UBR3: variants seen among roughly 807,000 people sequenced by gnomAD.
The protein encoded by UBR3 is E3 ubiquitin-protein ligase UBR3.
Under a neutral mutation model 243.2 loss-of-function variants are expected in UBR3, and 85 were observed. The ratio of observed to expected loss-of-function variants is 0.35; its 90% CI spans 0.29 to 0.42. The LOEUF (loss-of-function observed/expected upper bound fraction) is 0.42. UBR3 is among the 10% of genes least tolerant of loss of function. UBR3 has a pLI of 1.00. For synonymous variants in UBR3, 748 were observed against 799.8 expected, an observed-to-expected ratio of 0.94 and a Z score of 1.09; for missense variants, 1,686 against 2,300.8, an observed-to-expected ratio of 0.73 and a Z score of 5.47.
chr2:169,897,727 C>T (rs905282465), intron 8 of UBR3, among the ~76,000 whole-genome samples: 1 of 152,120 alleles, frequency 6.6e-6, no homozygotes, highest in African/African-American at 2.4e-5. Context: ...TCTTGAACTC[C>T]TGACCTCAGG....
chr2:170,032,441 G>T (rs1376623218), intron 31 of UBR3, among the ~76,000 whole-genome samples: 2 of 152,004 alleles, frequency 1.3e-5, no homozygotes, highest in East Asian at 3.9e-4. Flanking sequence ...GACCTATTCA[G>T]ATTTTGCCAG....
intron 29 of UBR3, among the ~76,000 whole-genome samples, chr2:170,011,498 T>A (rs1169537284): frequency 6.6e-6 from 1 of 152,102 alleles, no homozygotes; most frequent in Non-Finnish European, 1.5e-5. Flanking sequence ...GTAACGTGAG[T>A]GGAATACAAC....
At chr2:169,872,187 T>C (rs774399894) in intron 1 of UBR3, 49 bp from the exon 2 acceptor site, 1 of 1,255,880 alleles carries the variant, frequency 8.0e-7, no homozygotes, top group South Asian at 1.8e-5. Context: ...ATAATATATT[T>C]TTAGCTGATT....
chr2:170,018,697 T>C (rs1228061890), intron 30 of UBR3, among the ~76,000 whole-genome samples: 1 of 152,204 alleles, frequency 6.6e-6, no homozygotes, highest in Non-Finnish European at 1.5e-5. Flanking sequence ...AACAAGACTT[T>C]GAAAGATAAG....
At position 169,968,464 on chromosome 2, in the gene UBR3, C is replaced by T. The variant is rs530473572; in HGVS notation, c.3634+9938C>T. ...AAAAGTGATATTTGTCTTTCTGTGC[C>T]TCGCTTGTTTCACTTAACATAATGA... On this transcript the variant is annotated intron_variant, in intron 24 of 38. Transcript: ENST00000272793. Among the ~76,000 whole-genome samples, 7 of 152,242 alleles carry T rather than the reference C, an allele frequency of 4.6e-5. No homozygotes were observed. The South Asian group carries it at 1.5e-3, about 32-fold the overall frequency.
chr2:169,890,536 G>GATATATATATATAT lies in UBR3; in HGVS notation c.1039-628_1039-627insTATATATATATATA, dbSNP rs1396382870. ...GCGAGGTTTTTCTAGGAGAGAGAGA[G>GATATATATATATAT]AGAGATATATATATATATATATATA... On this transcript the variant is annotated intron_variant, in intron 5 of 38. Transcript: ENST00000272793. Among the ~76,000 whole-genome samples, 323 of 53,532 alleles carry GATATATATATATAT rather than the reference G, an allele frequency of 6.0e-3. 22 individuals carry two copies. Among genetic ancestry groups the GATATATATATATAT allele is most frequent in the African/African-American group, 0.017 (196 of 11,822 alleles). 35.1% of individuals were successfully genotyped at this position (53,532 alleles called of 152,430 possible). A position where few individuals can be genotyped will look rare whatever the true frequency, so the allele number is the denominator to read the frequency against.
In UBR3 at chr2:169,928,727, A is replaced by G. The variant is rs1490266959; in HGVS notation, c.2425A>G (p.Ile809Val). 2.0e-6 allele frequency: 3 copies of G among 1,481,530 alleles called. No homozygotes were observed. Among genetic ancestry groups the G allele is most frequent in the East Asian group, 5.0e-5 (2 of 39,910 alleles). The allele number at this position is 1,481,530 out of a possible 1,614,324, so 91.8% of individuals were successfully genotyped here. Residue 809 changes from isoleucine to valine, a missense_variant and splice_region_variant, in exon 18 of 39, where the codon ATT (isoleucine) becomes GTT (valine). By Grantham distance (29) the Ile-to-Val change is conservative. Coordinates refer to ENST00000272793, the MANE Select transcript of UBR3 (RefSeq NM_172070.4). ...DRTHSSLLDL[I>V]PENPNPKSGI... ...ATTTTTTTCTTGACATATATATCAT[A>G]TTCCAGAAAATCCTAATCCCAAAAG...
intron 1 of UBR3, among the ~76,000 whole-genome samples, chr2:169,851,013 T>TA (rs919062663): frequency 6.6e-6 from 1 of 152,210 alleles, no homozygotes; most frequent in African/African-American, 2.4e-5. Context: ...GATTTTGCCT[T>TA]AAAAAAATCT....
At chr2:169,828,784 A>G (rs887641424) in intron 1 of UBR3, among the ~76,000 whole-genome samples, 1 of 152,216 alleles carries the variant, frequency 6.6e-6, no homozygotes, top group Non-Finnish European at 1.5e-5. Context: ...ATCAAGTGTT[A>G]GGTCTTCTCC....
intron 29 of UBR3, among the ~76,000 whole-genome samples, chr2:170,012,687 T>TTC (rs1361778714): frequency 6.6e-6 from 1 of 151,406 alleles, no homozygotes; most frequent in Non-Finnish European, 1.5e-5. Context: ...TTTTTTTTTT[T>TTC]TCCCCCTGAG....
chr2:170,008,088 C>T (rs746311824), intron 28 of UBR3, among the ~76,000 whole-genome samples: 8 of 152,078 alleles, frequency 5.3e-5, no homozygotes, highest in Non-Finnish European at 1.0e-4. Flanking sequence ...AACTGTTCAT[C>T]ACAAGTCAGA....
rs191231301 is a variant in UBR3, at chr2:170,083,234, G to C, written c.*1391G>C. 84 of 152,590 alleles carry C rather than the reference G, an allele frequency of 5.5e-4. No individual in the cohort carries two copies. The highest frequency in any genetic ancestry group is 2.0e-3 in the African/African-American group (81 of 41,526). The allele number at this position is 152,590 out of a possible 1,614,324, so 9.5% of individuals were successfully genotyped here. On this transcript the variant is annotated 3_prime_UTR_variant, in exon 39 of 39. Transcript: ENST00000272793. Reference sequence around the variant, plus strand: ...TTTGTAATGACATGACATTACAAGAGTATAAAAATGGACATTAAATCATGG... The same window carrying C: ...TTTGTAATGACATGACATTACAAGACTATAAAAATGGACATTAAATCATGG...
At chr2:170,018,275 T>A (rs1364674333) in intron 30 of UBR3, among the ~76,000 whole-genome samples, 2 of 152,210 alleles carry the variant, frequency 1.3e-5, no homozygotes, top group African/African-American at 2.4e-5. Context: ...GAGCCATCTT[T>A]TCAGACATTT....
At position 169,882,332 on chromosome 2, in the gene UBR3, ATTATATAATATATATGTAAATATATAT is replaced by A. The variant is rs1274469361; in HGVS notation, c.1038+3760_1038+3786del. ...TTATATATTTATATATTATATATGT[ATTATATAATATATATGTAAATATATAT>A]TATATATGTAAATATATATTATATA... On this transcript the variant is annotated intron_variant, in intron 5 of 38. Transcript: ENST00000272793. 4.3e-5 allele frequency among the ~76,000 whole-genome samples: 6 copies of A among 139,304 alleles called. No individual in the cohort carries two copies. The East Asian group carries it at 1.2e-3, about 28-fold the overall frequency. 91.4% of individuals were successfully genotyped at this position (139,304 alleles called of 152,430 possible). A position where few individuals can be genotyped will look rare whatever the true frequency, so the allele number is the denominator to read the frequency against.
intron 11 of UBR3, among the ~76,000 whole-genome samples, chr2:169,923,675 C>T (rs2085792809): frequency 6.6e-6 from 1 of 152,108 alleles, no homozygotes; most frequent in Non-Finnish European, 1.5e-5. Context: ...AAATATTAAT[C>T]TGTACTGGAT....
At chr2:169,897,049 G>C (rs963281497) in intron 8 of UBR3, among the ~76,000 whole-genome samples, 2 of 151,910 alleles carry the variant, frequency 1.3e-5, no homozygotes, top group Non-Finnish European at 2.9e-5. Context: ...TTTTCTTTTT[G>C]TGTAATGACT....
At chr2:170,053,847 A>C (rs900886321) in intron 32 of UBR3, among the ~76,000 whole-genome samples, 1 of 152,140 alleles carries the variant, frequency 6.6e-6, no homozygotes, top group Non-Finnish European at 1.5e-5. Flanking sequence ...TAGAAGGAAC[A>C]CTGAACCTGA....
intron 5 of UBR3, among the ~76,000 whole-genome samples, chr2:169,890,386 G>A (rs964975354): frequency 1.3e-5 from 2 of 151,366 alleles, no homozygotes; most frequent in East Asian, 1.9e-4. Context: ...GTTTGCCTGG[G>A]CCTGCAAATG....
intron 1 of UBR3, among the ~76,000 whole-genome samples, chr2:169,835,514 C>T (rs896983857): frequency 6.6e-6 from 1 of 152,188 alleles, no homozygotes; most frequent in Non-Finnish European, 1.5e-5. Flanking sequence ...GATCTCGGCT[C>T]ACTGCAACCT....
Sources: gnomAD v4.1 joint callset for allele counts (sites outside exome capture counted in the v4.1 genomes callset) on GRCh38, gnomAD v4.1.1 for gene constraint, MANE v1.5 for transcripts, NCBI Gene and HGNC (gene_info 2026-07-23, HGNC 2026-07-21) for gene names.